THSD7A: variants seen among roughly 807,000 people sequenced by gnomAD.
THSD7A encodes the protein thrombospondin type 1 domain containing 7A.
THSD7A carries 96 observed loss-of-function variants against 231.3 expected under a neutral mutation model. The ratio of observed to expected loss-of-function variants is 0.41; its 90% CI spans 0.35 to 0.49. The LOEUF (loss-of-function observed/expected upper bound fraction) is 0.49, where lower values mean the gene tolerates loss of function less well. Among genes scored for constraint, THSD7A ranks in the 20% least tolerant of loss-of-function variants. THSD7A has a pLI of 0.05. For missense variants in THSD7A, 2,290 were observed against 2,070.2 expected (o/e 1.11, Z -2.06); for synonymous variants, 940 against 743.3 (o/e 1.26, Z -4.30).
At chr7:11,409,133 A>C (rs1248990266) in intron 19 of THSD7A, among the ~76,000 whole-genome samples, 1 of 152,248 alleles carries the variant, frequency 6.6e-6, no homozygotes, top group African/African-American at 2.4e-5. Context: ...CTATTCAAAA[A>C]TCTAAGAAAT....
chr7:11,759,965 G>T (rs1272760426), intron 1 of THSD7A, among the ~76,000 whole-genome samples: 3 of 151,900 alleles, frequency 2.0e-5, no homozygotes, highest in Non-Finnish European at 4.4e-5. Flanking sequence ...GACTGTATAA[G>T]GAATTGATAA....
intron 1 of THSD7A, among the ~76,000 whole-genome samples, chr7:11,680,873 A>G (rs1286712212): frequency 6.6e-6 from 1 of 152,130 alleles, no homozygotes; most frequent in East Asian, 1.9e-4. Context: ...AGAATTATAT[A>G]TTATTCTACT....
intron 1 of THSD7A, among the ~76,000 whole-genome samples, chr7:11,778,167 A>AAAAAAAAAAAAAAAAAAAAAC (rs1783495170): frequency 6.8e-6 from 1 of 147,576 alleles, no homozygotes; most frequent in Non-Finnish European, 1.5e-5. Flanking sequence ...AAAAAAAAAA[A>AAAAAAAAAAAAAAAAAAAAAC]AAAAAAAAAA....
At chr7:11,760,637 G>A (rs1376495743) in intron 1 of THSD7A, among the ~76,000 whole-genome samples, 1 of 151,994 alleles carries the variant, frequency 6.6e-6, no homozygotes, top group Non-Finnish European at 1.5e-5. Flanking sequence ...CACAACATCT[G>A]TAAAAGTGCC....
intron 7 of THSD7A, among the ~76,000 whole-genome samples, chr7:11,478,449 G>T (rs772811041): frequency 1.3e-5 from 2 of 152,014 alleles, no homozygotes; most frequent in Non-Finnish European, 2.9e-5. Context: ...ACCCAGTTGG[G>T]CTCTGACAAC....
At chr7:11,530,953 G>A (rs1029856090) in intron 6 of THSD7A, among the ~76,000 whole-genome samples, 2 of 152,176 alleles carry the variant, frequency 1.3e-5, no homozygotes, top group African/African-American at 4.8e-5. Context: ...GGAGGTTGCA[G>A]TGAGCTGAGA....
intron 6 of THSD7A, among the ~76,000 whole-genome samples, chr7:11,507,962 A>G (rs967160878): frequency 6.6e-6 from 1 of 152,190 alleles, no homozygotes; most frequent in Admixed American, 6.5e-5. Context: ...ATGGCAAGGG[A>G]GGCCTCAGGA....
At chr7:11,705,426 A>C (rs2128146395) in intron 1 of THSD7A, among the ~76,000 whole-genome samples, 1 of 151,102 alleles carries the variant, frequency 6.6e-6, no homozygotes, top group South Asian at 2.1e-4. Context: ...TACTTCTGGA[A>C]GTTGACTCAG....
chr7:11,744,702 G>T (rs1462583785), intron 1 of THSD7A, among the ~76,000 whole-genome samples: 2 of 149,240 alleles, frequency 1.3e-5, no homozygotes, highest in African/African-American at 2.5e-5. Context: ...GTTTGGTTTT[G>T]GTCCTTGTGA....
intron 1 of THSD7A, among the ~76,000 whole-genome samples, chr7:11,817,831 AT>A (rs1784752610): frequency 6.6e-6 from 1 of 152,180 alleles, no homozygotes; most frequent in African/African-American, 2.4e-5. Context: ...TTAGGTCAAA[AT>A]TCATGCACTT....
chr7:11,663,034 A>C (rs1255932887), intron 1 of THSD7A, among the ~76,000 whole-genome samples: 1 of 151,266 alleles, frequency 6.6e-6, no homozygotes, highest in Non-Finnish European at 1.5e-5. Context: ...GAAGCCAAAG[A>C]AAATAGAAAG....
Position 11,444,216 on chromosome 7 carries a change from T to C in THSD7A, c.3064+1845A>G, listed in dbSNP as rs1212203409. 1.3e-5 allele frequency among the ~76,000 whole-genome samples: 2 copies of C among 152,072 alleles called. No homozygotes were observed. Among genetic ancestry groups the C allele is most frequent in the East Asian group, 3.9e-4 (2 of 5,176 alleles). On this transcript the variant is annotated intron_variant, in intron 13 of 27. Transcript: ENST00000423059. This position sits in a 1 kb window ranked among gnomAD's most constrained non-coding sequence, Gnocchi z 4.2. ...CAATGTTGGTGGGAGTGTAAATTAG[T>C]TCAACCATTGTGGAAGACAGTGTGG...
chr7:11,417,052 T>G (rs1783985866), intron 17 of THSD7A, among the ~76,000 whole-genome samples: 2 of 152,306 alleles, frequency 1.3e-5, no homozygotes, highest in African/African-American at 4.8e-5. Flanking sequence ...TAAAAGGTAC[T>G]GGGCAAAAAG....
chr7:11,617,850 G>C (rs772927680), intron 2 of THSD7A, among the ~76,000 whole-genome samples: 2 of 152,090 alleles, frequency 1.3e-5, no homozygotes, highest in African/African-American at 2.4e-5. Context: ...GGTAGGGAGA[G>C]GAGGGAGGGA....
intron 6 of THSD7A, among the ~76,000 whole-genome samples, chr7:11,514,512 C>T (rs1364569632): frequency 6.6e-6 from 1 of 152,010 alleles, no homozygotes; most frequent in Non-Finnish European, 1.5e-5. Flanking sequence ...CTGGAGAGGG[C>T]TTGAGGAGAA....
chr7:11,564,892 G>C (rs758791317), intron 4 of THSD7A, among the ~76,000 whole-genome samples: 4 of 152,082 alleles, frequency 2.6e-5, no homozygotes, highest in Non-Finnish European at 5.9e-5. Context: ...TAAAAATAGT[G>C]GGATTGTTCA....
At chr7:11,442,902 C>A (rs1784849765) in intron 13 of THSD7A, among the ~76,000 whole-genome samples, 1 of 152,052 alleles carries the variant, frequency 6.6e-6, no homozygotes, top group African/African-American at 2.4e-5. Flanking sequence ...ATCATGGATT[C>A]ATCATTTTTC....
In THSD7A at chr7:11,814,130, A is replaced by G. The variant is rs1404052237; in HGVS notation, c.190+17627T>C. ...AAAAGTAGATTGGTATTTGCCCGGG[A>G]CCTGGGCTGATGGCTCAGGGATGCA... On this transcript the variant is annotated intron_variant, in intron 1 of 27. Transcript: ENST00000423059. The surrounding 1 kb of genome is among the most constrained non-coding windows in gnomAD (Gnocchi z 5.1). 6.6e-6 allele frequency among the ~76,000 whole-genome samples: 1 copy of G among 152,154 alleles called. No individual in the cohort carries two copies. The highest frequency in any genetic ancestry group is 6.6e-5 in the Admixed American group (1 of 15,266).
rs1267344286 is a variant in THSD7A, at chr7:11,637,313, T to C, written c.191-352A>G. Among the ~76,000 whole-genome samples the C allele has an allele frequency of 6.6e-6, 1 of 152,168 alleles. No homozygotes were observed. Among genetic ancestry groups the C allele is most frequent in the African/African-American group, 2.4e-5 (1 of 41,454 alleles). ...ACAGTGAAAACTCATTACTCCGGCC[T>C]CACAATCATCAAATCCATTTCAGTA... On this transcript the variant is annotated intron_variant, in intron 1 of 27. Transcript: ENST00000423059. This position sits in a 1 kb window ranked among gnomAD's most constrained non-coding sequence, Gnocchi z 4.2.
Sources: gnomAD v4.1 joint callset for allele counts (sites outside exome capture counted in the v4.1 genomes callset) on GRCh38, gnomAD v4.1.1 for gene constraint, Gnocchi (gnomAD v3.1) non-coding constraint, MANE v1.5 for transcripts, NCBI Gene and HGNC (gene_info 2026-07-23, HGNC 2026-07-21) for gene names.